Variants in SULT2B1 observed in about 807,000 individuals in gnomAD.
SULT2B1 encodes the protein sulfotransferase family 2B member 1, also known as sulfotransferase 2B1.
A neutral mutation model predicts 33.2 loss-of-function variants in SULT2B1; 16 were observed. That is an observed-to-expected ratio of 0.48 (90% confidence interval 0.33 to 0.73). The LOEUF (loss-of-function observed/expected upper bound fraction) is 0.73. Ranked by LOEUF, SULT2B1 falls within the 30% of genes least tolerant of loss-of-function variation. The probability of loss-of-function intolerance (pLI) is 0.02; values close to 1 mark genes in which losing one functional copy is unlikely to be tolerated. For synonymous variants in SULT2B1, 186 were observed against 200.5 expected (o/e 0.93, Z 0.61); for missense variants, 500 against 506.0 (o/e 0.99, Z 0.11).
Position 48,596,865 on chromosome 19 carries a change from A to G in SULT2B1, c.772A>G (p.Thr258Ala). 1 of 1,608,208 alleles carries G rather than the reference A, an allele frequency of 6.2e-7. No individual in the cohort carries two copies. Among genetic ancestry groups the G allele is most frequent in the Non-Finnish European group, 8.5e-7 (1 of 1,179,676 alleles). The part of the protein sequence containing the change: ...AMKANTMSNY[T>A]LLPPSLLDHR... ...GAAGGCCAACACCATGTCCAACTAC[A>G]CGCTGCTGCCTCCCAGCCTGCTGGA... Residue 258 changes from threonine to alanine, a missense_variant, in exon 6 of 7, where the codon ACG becomes GCG. By Grantham distance (58) the Thr-to-Ala change is moderately conservative (BLOSUM62 0). Coordinates refer to ENST00000201586, the MANE Select transcript of SULT2B1 (RefSeq NM_177973.2).
intron 1 of SULT2B1, among the ~76,000 whole-genome samples, chr19:48,556,935 AC>A (rs999781652): frequency 4.0e-5 from 6 of 150,942 alleles, no homozygotes; most frequent in Non-Finnish European, 7.4e-5. Flanking sequence ...GGGCAACAGA[AC>A]AAGACTCTGT....
chr19:48,575,934 T>C lies in SULT2B1; in HGVS notation c.72-7T>C. 1 of 1,609,924 alleles carries C rather than the reference T, an allele frequency of 6.2e-7. No homozygotes were observed. Among genetic ancestry groups the C allele is most frequent in the Non-Finnish European group, 8.5e-7 (1 of 1,176,700 alleles). On this transcript the variant is annotated splice_polypyrimidine_tract_variant and splice_region_variant and intron_variant, in intron 1 of 6. Coordinates refer to ENST00000201586, the MANE Select transcript of SULT2B1 (RefSeq NM_177973.2). ...TCCCTCATGGCGTCTCCCCCACCTT[T>C]CCACAGCCAGAAGTTGCCAGGTGAA...
At chr19:48,566,910 T>C (rs146527097) in intron 1 of SULT2B1, among the ~76,000 whole-genome samples, 109 of 150,918 alleles carry the variant, frequency 7.2e-4, no homozygotes, top group African/African-American at 2.5e-3. Context: ...AGTTGAGACA[T>C]GAGAATCACT....
At chr19:48,556,213 G>A (rs898523543) in intron 1 of SULT2B1, among the ~76,000 whole-genome samples, 5 of 152,202 alleles carry the variant, frequency 3.3e-5, no homozygotes, top group Non-Finnish European at 5.9e-5. Context: ...GGGAATGAGA[G>A]AATGCAGGCA....
At chr19:48,574,301 A>G (rs1289788745) in intron 1 of SULT2B1, among the ~76,000 whole-genome samples, 1 of 152,090 alleles carries the variant, frequency 6.6e-6, no homozygotes, top group South Asian at 2.1e-4. Flanking sequence ...CACTCATTCA[A>G]TCAAACACTG....
At chr19:48,581,533 C>T (rs1973488075) in intron 2 of SULT2B1, among the ~76,000 whole-genome samples, 2 of 136,876 alleles carry the variant, frequency 1.5e-5, no homozygotes, top group Admixed American at 7.8e-5. Flanking sequence ...TGCAGTGGCG[C>T]GATCTCAGCT....
chr19:48,576,205 G>A (rs2544793), intron 2 of SULT2B1, 122 bp downstream of exon 2: 128,137 of 859,168 alleles, frequency 0.15, 10,985 homozygotes, highest in African/African-American at 0.28. Flanking sequence ...TGTTCAGAGC[G>A]GTGCCCCTGC....
rs1390018120 is a variant in SULT2B1, at chr19:48,587,424, G to T, written c.410G>T (p.Ser137Ile). Residue 137 changes from serine to isoleucine, a missense_variant, in exon 3 of 7, where the codon AGC becomes ATC. By Grantham distance (142) the Ser-to-Ile change is moderately radical. Coordinates refer to ENST00000201586, the MANE Select transcript of SULT2B1 (RefSeq NM_177973.2). ...PIQIFTKAFF[S>I]SKAKVIYMGR... ...CAGATCTTCACCAAGGCCTTCTTCA[G>T]CTCCAAGGCCAAGGTTGGGAGGAGG... The T allele has an allele frequency of 6.2e-7, 1 of 1,614,146 alleles. No individual in the cohort carries two copies. The highest frequency in any genetic ancestry group is 1.6e-4 in the Middle Eastern group (1 of 6,062).
At chr19:48,579,209 T>C (rs569779395) in intron 2 of SULT2B1, among the ~76,000 whole-genome samples, 1 of 152,288 alleles carries the variant, frequency 6.6e-6, no homozygotes, top group African/African-American at 2.4e-5. Context: ...TATTCATCAG[T>C]TGATAAGCAT....
chr19:48,591,643 T>A lies in SULT2B1; in HGVS notation c.458T>A (p.Val153Glu). ...IYMGRNPRDV[V>E]VSLYHYSKIA... Reference sequence around the variant, plus strand: ...ATGGGCCGCAACCCCCGGGACGTTGTGGTCTCCCTCTATCATTACTCCAAG... The same window carrying A: ...ATGGGCCGCAACCCCCGGGACGTTGAGGTCTCCCTCTATCATTACTCCAAG... The change falls in exon 4 of 7, where the codon GTG becomes GAG. Residue 153 changes from valine to glutamate, a missense_variant. By Grantham distance (121) the Val-to-Glu change is moderately radical. Transcript: ENST00000201586. 6.2e-7 allele frequency: 1 copy of A among 1,613,350 alleles called. No individual in the cohort carries two copies. Among genetic ancestry groups the A allele is most frequent in the Non-Finnish European group, 8.5e-7 (1 of 1,179,638 alleles).
intron 2 of SULT2B1, among the ~76,000 whole-genome samples, chr19:48,583,769 G>A (rs1973525678): frequency 6.6e-6 from 1 of 152,024 alleles, no homozygotes; most frequent in Non-Finnish European, 1.5e-5. Flanking sequence ...AGTGAGTGGA[G>A]ATTGCGCCAC....
chr19:48,565,533 C>T (rs558976845), intron 1 of SULT2B1, among the ~76,000 whole-genome samples: 4 of 152,036 alleles, frequency 2.6e-5, no homozygotes, highest in African/African-American at 9.6e-5. Flanking sequence ...GTGTGCACCA[C>T]TACGCCCGGC....
Position 48,587,555 on chromosome 19 carries a change from G to A in SULT2B1, c.423+118G>A, listed in dbSNP as rs906694841. 4.4e-6 allele frequency: 5 copies of A among 1,139,916 alleles called. No homozygotes were observed. In the African/African-American group the frequency reaches 7.7e-5, roughly 18 times the overall value. The allele number at this position is 1,139,916 out of a possible 1,614,324, so 70.6% of individuals were successfully genotyped here. A position where few individuals can be genotyped will look rare whatever the true frequency, so the allele number is the denominator to read the frequency against. On this transcript the variant is annotated intron_variant, in intron 3 of 6. Coordinates refer to ENST00000201586, the MANE Select transcript of SULT2B1 (RefSeq NM_177973.2). ...CCTATTTGTTAAACACCTACTATGT[G>A]CCTGACTCTGATCTAGCACAGTGGT...
At chr19:48,576,815 GT>G (rs999410788) in intron 2 of SULT2B1, among the ~76,000 whole-genome samples, 1 of 148,154 alleles carries the variant, frequency 6.7e-6, no homozygotes, top group African/African-American at 2.5e-5. Context: ...TAACTTTTGT[GT>G]TTTTTGTAGG....
chr19:48,579,605 C>CTTTCTTTTTTTT (rs71179013), intron 2 of SULT2B1, among the ~76,000 whole-genome samples: 60 of 79,764 alleles, frequency 7.5e-4, no homozygotes, highest in East Asian at 5.1e-3. Context: ...TTCTTTCTTT[C>CTTTCTTTTTTTT]TTTTTTTTTT....
At chr19:48,585,625 C>T (rs781245702) in intron 2 of SULT2B1, among the ~76,000 whole-genome samples, 3 of 150,828 alleles carry the variant, frequency 2.0e-5, no homozygotes, top group African/African-American at 7.3e-5. Context: ...GCCAAGATCG[C>T]GCCATTGCAC....
rs78095419 is a variant in SULT2B1 at position 48,563,461 on chromosome 19, C to T, written c.71+11138C>T. Among the ~76,000 whole-genome samples the T allele has an allele frequency of 7.8e-3, 1,193 of 152,294 alleles. 13 individuals carry two copies. The highest frequency in any genetic ancestry group is 0.027 in the African/African-American group (1,132 of 41,576). ...AATTTATTTATGCAGTGGAATTCTA[C>T]TCAGCCGCAAATGGGAACAAGCTCT... On this transcript the variant is annotated intron_variant, in intron 1 of 6. Transcript: ENST00000201586.
intron 1 of SULT2B1, among the ~76,000 whole-genome samples, chr19:48,554,049 T>C (rs1973061722): frequency 6.6e-6 from 1 of 151,966 alleles, no homozygotes; most frequent in Admixed American, 6.6e-5. Context: ...GTGACCTTGG[T>C]TTAGTCACTG....
chr19:48,563,682 G>A lies in SULT2B1; in HGVS notation c.71+11359G>A, dbSNP rs75171507. Among the ~76,000 whole-genome samples the A allele has an allele frequency of 4.9e-3, 738 of 152,022 alleles. 4 individuals are homozygous for A. Among genetic ancestry groups the A allele is most frequent in the African/African-American group, 0.017 (704 of 41,520 alleles). On this transcript the variant is annotated intron_variant, in intron 1 of 6. Coordinates refer to ENST00000201586, the MANE Select transcript of SULT2B1 (RefSeq NM_177973.2). ...CTGATTGAGACAAGATGCAGGCTGG[G>A]GCGCAGGCACCGTGGCTCACACTTG...
Sources: gnomAD v4.1 joint callset for allele counts (sites outside exome capture counted in the v4.1 genomes callset) on GRCh38, gnomAD v4.1.1 for gene constraint, MANE v1.5 for transcripts, NCBI Gene and HGNC (gene_info 2026-07-23, HGNC 2026-07-21) for gene names.